The following DYRK3 variants were observed in gnomAD, a reference collection of about 807,000 sequenced individuals.
DYRK3 encodes dual specificity tyrosine phosphorylation regulated kinase 3, also known as dual specificity tyrosine-phosphorylation-regulated kinase 3.
DYRK3 carries 30 observed loss-of-function variants against 40.8 expected under a neutral mutation model. That is an observed-to-expected ratio of 0.74 (90% CI 0.55 to 1.00). The LOEUF (loss-of-function observed/expected upper bound fraction) is 1.00. Among genes scored for constraint, DYRK3 ranks in the 50% least tolerant of loss-of-function variants. The pLI is 0.00. For synonymous variants in DYRK3, 272 were observed against 260.7 expected (o/e 1.04, Z -0.42); for missense variants, 699 against 731.5 (o/e 0.96, Z 0.51).
At chr1:206,646,171 T>G (rs1418082399) in intron 2 of DYRK3, among the ~76,000 whole-genome samples, 1 of 152,192 alleles carries the variant, frequency 6.6e-6, no homozygotes, top group Non-Finnish European at 1.5e-5. Flanking sequence ...TTTTTTAAGG[T>G]GTCCAGTATG....
chr1:206,647,601 G>T lies in DYRK3; in HGVS notation c.403G>T (p.Ala135Ser). Residue 135 changes from alanine to serine, a missense_variant, in exon 3 of 3, where the codon GCA (alanine) becomes TCA (serine). Physicochemically the swap from Ala to Ser is moderately conservative, Grantham distance 99 (BLOSUM62 1). Coordinates refer to ENST00000367109, the MANE Select transcript of DYRK3 (RefSeq NM_003582.4). ...AGTAAAATCCAACAGTTCATCCAAG[G>T]CACCCAAAGTGGTGCCTCTGACTCC... ...NTVKSNSSSK[A>S]PKVVPLTPEQ... 6.2e-7 allele frequency: 1 copy of T among 1,614,100 alleles called. No individual in the cohort carries two copies.
chr1:206,641,284 T>C, intron 2 of DYRK3, among the ~76,000 whole-genome samples: 1 of 152,242 alleles, frequency 6.6e-6, no homozygotes, highest in East Asian at 1.9e-4. Context: ...TTAAGCCCTT[T>C]CATCGTCTTC....
rs202054399 is a variant in DYRK3 at position 206,635,563 on chromosome 1, G to C, written c.-141G>C. 7 of 1,111,680 alleles carry C rather than the reference G, an allele frequency of 6.3e-6. No homozygotes were observed. The highest frequency in any genetic ancestry group is 8.0e-6 in the Non-Finnish European group (7 of 878,802). The allele number at this position is 1,111,680 out of a possible 1,614,324, so 68.9% of individuals were successfully genotyped here. ...TTCCCAGCCGGGGCCAGTCGGGAGC[G>C]AAAGTGCGCTGAGCTGCAGTGTCTG... On this transcript the variant is annotated 5_prime_UTR_variant, in exon 1 of 3. Transcript: ENST00000367109.
chr1:206,641,106 G>A (rs1475765027), intron 2 of DYRK3, among the ~76,000 whole-genome samples: 1 of 151,652 alleles, frequency 6.6e-6, no homozygotes, highest in Non-Finnish European at 1.5e-5. Flanking sequence ...TAGGTTTTTG[G>A]GGAACAGGTG....
At chr1:206,637,840 A>AT (rs1402358781) in intron 2 of DYRK3, 79 bp downstream of exon 2, 3 of 1,103,874 alleles carry the variant, frequency 2.7e-6, no homozygotes, top group African/African-American at 1.6e-5. Context: ...AGGTACACTT[A>AT]TGTATCACTG....
At chr1:206,637,618 T>G in intron 1 of DYRK3, 32 bp from the exon 2 acceptor site, 3 of 1,479,030 alleles carry the variant, frequency 2.0e-6, no homozygotes, top group Non-Finnish European at 2.8e-6. Context: ...CTTCAGTTCC[T>G]GACAGATTTT....
Position 206,636,115 on chromosome 1 carries a change from G to A in DYRK3, c.77+335G>A, listed in dbSNP as rs782393855. Reference sequence around the variant, plus strand: ...TGTGGGGCTTTTTATTAAAGGGGGGGAGCCCGGGAGCAATACCTTGGAAAG... The same window carrying A: ...TGTGGGGCTTTTTATTAAAGGGGGGAAGCCCGGGAGCAATACCTTGGAAAG... On this transcript the variant is annotated intron_variant, in intron 1 of 2. Coordinates refer to ENST00000367109, the MANE Select transcript of DYRK3 (RefSeq NM_003582.4). The A allele has an allele frequency of 4.4e-5, 59 of 1,345,592 alleles. No homozygotes were observed. The African/African-American group carries it at 5.4e-4, about 12-fold the overall frequency. 83.4% of individuals were successfully genotyped at this position (1,345,592 alleles called of 1,614,324 possible).
Position 206,635,699 on chromosome 1 carries a change from A to G in DYRK3, c.-5A>G, listed in dbSNP as rs1553418172. On this transcript the variant is annotated 5_prime_UTR_variant, in exon 1 of 3. Coordinates refer to ENST00000367109, the MANE Select transcript of DYRK3 (RefSeq NM_003582.4). ...CTCTCCCCGCGCGGGGTCCCGAGCT[A>G]GGAGATGGGAGGCACAGCTCGTGGG... 1.6e-6 allele frequency: 2 copies of G among 1,246,244 alleles called. No individual in the cohort carries two copies. The highest frequency in any genetic ancestry group is 4.2e-5 in the Admixed American group (1 of 23,728). The allele number at this position is 1,246,244 out of a possible 1,614,324, so 77.2% of individuals were successfully genotyped here.
chr1:206,638,405 T>C (rs1671183394), intron 2 of DYRK3, among the ~76,000 whole-genome samples: 1 of 150,822 alleles, frequency 6.6e-6, no homozygotes, highest in African/African-American at 2.4e-5. Context: ...GCCTCCTGAG[T>C]AGCTGGGATT....
intron 2 of DYRK3, among the ~76,000 whole-genome samples, chr1:206,639,567 T>C (rs555582682): frequency 6.7e-6 from 1 of 150,290 alleles, no homozygotes; most frequent in East Asian, 2.0e-4. Context: ...GTTCAAGTGA[T>C]TCTCCTGCTT....
intron 1 of DYRK3, chr1:206,636,211 C>A: frequency 1.8e-6 from 1 of 547,492 alleles, no homozygotes; most frequent in Non-Finnish European, 3.4e-6. Flanking sequence ...TGCGGTCTAG[C>A]TTCGAATGTA....
rs1671579817 is a variant in DYRK3, at chr1:206,649,695, A to G, written c.*730A>G. On this transcript the variant is annotated 3_prime_UTR_variant, in exon 3 of 3. Coordinates refer to ENST00000367109, the MANE Select transcript of DYRK3 (RefSeq NM_003582.4). ...TGCATCCCTCCTCCTTTCCTCTCCC[A>G]TGCCCAAGGAAGATAAAACAGCTTC... Among the ~76,000 whole-genome samples the G allele has an allele frequency of 6.6e-6, 1 of 152,192 alleles. No homozygotes were observed. Among genetic ancestry groups the G allele is most frequent in the Admixed American group, 6.5e-5 (1 of 15,288 alleles).
chr1:206,636,655 A>AT (rs1671121332), intron 1 of DYRK3, among the ~76,000 whole-genome samples: 1 of 151,788 alleles, frequency 6.6e-6, no homozygotes, highest in Non-Finnish European at 1.5e-5. Context: ...ACAGTTTTTA[A>AT]GGTGACCAGA....
chr1:206,642,395 G>T (rs1390197534), intron 2 of DYRK3, among the ~76,000 whole-genome samples: 1 of 152,064 alleles, frequency 6.6e-6, no homozygotes, highest in Non-Finnish European at 1.5e-5. Flanking sequence ...TCTAGAACTA[G>T]AAATACCATT....
rs1014827258 is a variant in DYRK3 at position 206,653,409 on chromosome 1, T to C, written c.*4444T>C. Among the ~76,000 whole-genome samples, 10 of 152,210 alleles carry C rather than the reference T, an allele frequency of 6.6e-5. No homozygotes were observed. Among genetic ancestry groups the C allele is most frequent in the Non-Finnish European group, 1.3e-4 (9 of 68,042 alleles). ...ATCCTACCATCTACCCTCAGAGTTA[T>C]TGATGTACTCTTTCATCATGTGCTA... On this transcript the variant is annotated 3_prime_UTR_variant, in exon 3 of 3. Transcript: ENST00000367109.
rs1241226770 is a variant in DYRK3, at chr1:206,651,682, A to G, written c.*2717A>G. ...TTTTATATCGAGTCCTTGAACTGCT[A>G]GCCAGGTAGATGTTTCCTTGAAGTC... On this transcript the variant is annotated 3_prime_UTR_variant, in exon 3 of 3. Coordinates refer to ENST00000367109, the MANE Select transcript of DYRK3 (RefSeq NM_003582.4). 6.6e-6 allele frequency among the ~76,000 whole-genome samples: 1 copy of G among 152,208 alleles called. No homozygotes were observed. The highest frequency in any genetic ancestry group is 1.5e-5 in the Non-Finnish European group (1 of 68,040).
Position 206,647,526 on chromosome 1 carries a change from A to G in DYRK3, c.328A>G (p.Lys110Glu), listed in dbSNP as rs1553420315. Residue 110 changes from lysine (K) to glutamate (E), a missense_variant, in exon 3 of 3, where the codon AAA becomes GAA. Lys to Glu is a moderately conservative substitution (Grantham distance 56). Coordinates refer to ENST00000367109, the MANE Select transcript of DYRK3 (RefSeq NM_003582.4). ...GTCAGATGGCATCAGTGACTCTGAA[A>G]AATGCTCTCCTACTGTTTCTCAGGG... ...IQSDGISDSE[K>E]CSPTVSQGKS... 1.9e-6 allele frequency: 3 copies of G among 1,614,202 alleles called. No individual in the cohort carries two copies. Among genetic ancestry groups the G allele is most frequent in the Admixed American group, 1.7e-5 (1 of 60,014 alleles).
intron 1 of DYRK3, chr1:206,635,983 G>A (rs1553418256): frequency 2.2e-6 from 3 of 1,349,660 alleles, no homozygotes; most frequent in Admixed American, 3.2e-5. Context: ...GGGCGCGGGG[G>A]ACGGGGCTAG....
Position 206,648,612 on chromosome 1 carries a change from G to A in DYRK3, c.1414G>A (p.Gly472Ser). Residue 472 changes from glycine (G) to serine (S), a missense_variant, in exon 3 of 3, where the codon GGT becomes AGT. Physicochemically the swap from Gly to Ser is moderately conservative, Grantham distance 56. Transcript: ENST00000367109. The stretch of plus-strand genomic sequence containing the variant: ...GCTTGTGGGGGGTCGCTCACGTAGG[G>A]GTAAAAAGCGGGGTCCCCCAGGCAG... Reference protein sequence around the residue: ...VVLVGGRSRRGKKRGPPGSKD... With the variant: ...VVLVGGRSRRSKKRGPPGSKD... 1 of 1,613,790 alleles carries A rather than the reference G, an allele frequency of 6.2e-7. No individual in the cohort carries two copies. The highest frequency in any genetic ancestry group is 1.3e-5 in the African/African-American group (1 of 75,014).
Sources: allele counts gnomAD v4.1 joint callset (sites outside exome capture counted in the v4.1 genomes callset), GRCh38; gene constraint gnomAD v4.1.1; transcripts MANE v1.5; gene names NCBI Gene and HGNC (gene_info 2026-07-23, HGNC 2026-07-21).